Variants in CCSER1 observed in about 807,000 individuals in gnomAD.
CCSER1 encodes serine-rich coiled-coil domain-containing protein 1.
CCSER1 carries 41 observed loss-of-function variants against 82.0 expected under a neutral mutation model. That is an observed-to-expected ratio of 0.50 (90% CI 0.39 to 0.65). The LOEUF (loss-of-function observed/expected upper bound fraction) is 0.65, where lower values mean the gene tolerates loss of function less well. CCSER1 is among the 30% of genes least tolerant of loss of function. The probability of loss-of-function intolerance (pLI) is 0.00; values close to 1 mark genes in which losing one functional copy is unlikely to be tolerated. For synonymous variants in CCSER1, 414 were observed against 383.9 expected, an observed-to-expected ratio of 1.08 and a Z score of -0.92; for missense variants, 1,119 against 1,064.2, an observed-to-expected ratio of 1.05 and a Z score of -0.72.
intron 5 of CCSER1, among the ~76,000 whole-genome samples, chr4:90,479,493 A>G (rs1765592705): frequency 6.6e-6 from 1 of 152,136 alleles, no homozygotes; most frequent in Admixed American, 6.5e-5. Context: ...CATCATTTAC[A>G]TTAGGTATAT....
At chr4:91,272,508 GAT>G (rs1310569217) in intron 10 of CCSER1, among the ~76,000 whole-genome samples, 1 of 152,152 alleles carries the variant, frequency 6.6e-6, no homozygotes, top group African/African-American at 2.4e-5. Context: ...TCCTTTGTCA[GAT>G]ATATAGATTG....
At chr4:90,700,628 C>A (rs2149273730) in intron 6 of CCSER1, among the ~76,000 whole-genome samples, 1 of 152,286 alleles carries the variant, frequency 6.6e-6, no homozygotes, top group East Asian at 1.9e-4. Context: ...GTTCCTATTT[C>A]TCCACATCCT....
intron 10 of CCSER1, among the ~76,000 whole-genome samples, chr4:91,546,750 T>A (rs2110211397): frequency 6.6e-6 from 1 of 152,136 alleles, no homozygotes; most frequent in African/African-American, 2.4e-5. Flanking sequence ...TCTAATTTTA[T>A]TTCTTTATTC....
chr4:91,199,717 A>G (rs1435100281), intron 10 of CCSER1, among the ~76,000 whole-genome samples: 3 of 152,066 alleles, frequency 2.0e-5, no homozygotes, highest in Non-Finnish European at 4.4e-5. Context: ...GCTTCATTTA[A>G]AAATAAATGT....
At position 90,510,576 on chromosome 4, in the gene CCSER1, C is replaced by T. The variant is rs538286858; in HGVS notation, c.1724+42222C>T. On this transcript the variant is annotated intron_variant, in intron 5 of 10. Coordinates refer to ENST00000509176, the MANE Select transcript of CCSER1 (RefSeq NM_001145065.2). ...GTTGTCTTTTCCAGCTTTTCCATGA[C>T]ACTATTGCAATCAAATGTTATCTTT... Among the ~76,000 whole-genome samples the T allele has an allele frequency of 7.9e-5, 12 of 152,350 alleles. No individual in the cohort carries two copies. The East Asian group carries it at 2.3e-3, about 29-fold the overall frequency.
At chr4:90,221,048 A>G (rs1742050366) in intron 1 of CCSER1, among the ~76,000 whole-genome samples, 1 of 152,202 alleles carries the variant, frequency 6.6e-6, no homozygotes. Context: ...TTACAAAACA[A>G]TATTATCTTT....
chr4:90,867,010 G>A (rs1045886370), intron 8 of CCSER1, among the ~76,000 whole-genome samples: 11 of 151,970 alleles, frequency 7.2e-5, no homozygotes, highest in Non-Finnish European at 1.3e-4. Context: ...TATAGGCCAC[G>A]GACTGGTACA....
intron 9 of CCSER1, among the ~76,000 whole-genome samples, chr4:91,071,681 T>C (rs1721453202): frequency 6.6e-6 from 1 of 152,172 alleles, no homozygotes; most frequent in Admixed American, 6.6e-5. Context: ...GGTACAAATA[T>C]GAAACGTAGC....
intron 10 of CCSER1, among the ~76,000 whole-genome samples, chr4:91,548,514 A>T (rs1761997982): frequency 6.7e-6 from 1 of 150,342 alleles, no homozygotes; most frequent in Non-Finnish European, 1.5e-5. Flanking sequence ...TGGGCAACTT[A>T]TTTTAACATT....
At chr4:91,409,747 C>T (rs1324689812) in intron 10 of CCSER1, among the ~76,000 whole-genome samples, 1 of 152,052 alleles carries the variant, frequency 6.6e-6, no homozygotes, top group African/African-American at 2.4e-5. Context: ...AATGCAGTGG[C>T]ACTCAGCTCA....
intron 5 of CCSER1, among the ~76,000 whole-genome samples, chr4:90,551,706 C>CTCTCTCTCTCTCTCTCTCTCTCTCTATA: frequency 1.9e-5 from 2 of 104,224 alleles, no homozygotes; most frequent in African/African-American, 9.1e-5. Flanking sequence ...CTCTCTCTCT[C>CTCTCTCTCTCTCTCTCTCTCTCTCTATA]TATATATATA....
intron 1 of CCSER1, among the ~76,000 whole-genome samples, chr4:90,307,886 T>C (rs1196788948): frequency 6.6e-6 from 1 of 152,120 alleles, no homozygotes; most frequent in East Asian, 1.9e-4. Flanking sequence ...TGCATCTAAA[T>C]AAATAAACAT....
chr4:90,595,355 G>GTTT (rs1783208137), intron 5 of CCSER1, among the ~76,000 whole-genome samples: 2 of 151,880 alleles, frequency 1.3e-5, no homozygotes, highest in East Asian at 1.9e-4. Context: ...GAAAATTATG[G>GTTT]TAGGCACTTG....
chr4:91,591,295 T>G (rs1223783809), intron 10 of CCSER1, among the ~76,000 whole-genome samples: 2 of 152,188 alleles, frequency 1.3e-5, no homozygotes, highest in Admixed American at 1.3e-4. Flanking sequence ...TCATACGTGC[T>G]TTTATTCAAA....
intron 10 of CCSER1, among the ~76,000 whole-genome samples, chr4:91,188,187 A>G (rs1448638444): frequency 1.3e-5 from 2 of 152,146 alleles, no homozygotes; most frequent in African/African-American, 4.8e-5. Context: ...CTTGTCTCCT[A>G]TTTCAAGTGC....
intron 10 of CCSER1, among the ~76,000 whole-genome samples, chr4:91,497,009 G>T (rs1032698705): frequency 7.3e-5 from 11 of 150,070 alleles, no homozygotes; most frequent in Non-Finnish European, 1.2e-4. Context: ...CATTCTTACT[G>T]CTATTCTTTT....
chr4:91,365,482 T>G (rs1749548750), intron 10 of CCSER1, among the ~76,000 whole-genome samples: 1 of 152,168 alleles, frequency 6.6e-6, no homozygotes, highest in Admixed American at 6.5e-5. Flanking sequence ...TTAAACAAAA[T>G]TAGAGAGGAT....
intron 10 of CCSER1, among the ~76,000 whole-genome samples, chr4:91,450,304 A>C (rs566707326): frequency 3.6e-4 from 55 of 152,166 alleles, no homozygotes; most frequent in African/African-American, 1.2e-3. Context: ...GGGAAAAAAA[A>C]CCATCAAAAC....
At chr4:90,671,652 T>C (rs1411373440) in intron 6 of CCSER1, among the ~76,000 whole-genome samples, 1 of 152,062 alleles carries the variant, frequency 6.6e-6, no homozygotes, top group East Asian at 1.9e-4. Context: ...CTCCTGTTAA[T>C]GTTGATATTT....
Sources: allele counts gnomAD v4.1 joint callset (sites outside exome capture counted in the v4.1 genomes callset), GRCh38; gene constraint gnomAD v4.1.1; transcripts MANE v1.5; gene names NCBI Gene and HGNC (gene_info 2026-07-23, HGNC 2026-07-21).